Variants in FGFR1OP2 observed in about 807,000 individuals in gnomAD.
The protein encoded by FGFR1OP2 is fibroblast growth factor receptor 1 oncogene partner 2.
FGFR1OP2 carries 17 observed loss-of-function variants against 35.2 expected under a neutral mutation model. The ratio of observed to expected loss-of-function variants is 0.48; its 90% CI spans 0.33 to 0.73. FGFR1OP2 has a LOEUF of 0.73. Among genes scored for constraint, FGFR1OP2 ranks in the 30% least tolerant of loss-of-function variants. The probability of loss-of-function intolerance (pLI) is 0.02; values close to 1 mark genes in which losing one functional copy is unlikely to be tolerated. For missense variants in FGFR1OP2, 251 were observed against 307.3 expected, an observed-to-expected ratio of 0.82 and a Z score of 1.37; for synonymous variants, 105 against 104.6, an observed-to-expected ratio of 1.00 and a Z score of -0.03.
At chr12:26,944,059 T>TA (rs1024630176) in intron 1 of FGFR1OP2, among the ~76,000 whole-genome samples, 21 of 150,018 alleles carry the variant, frequency 1.4e-4, no homozygotes, top group African/African-American at 2.2e-4. Flanking sequence ...ATGTGTGTTT[T>TA]AAAAAAAAAA....
intron 1 of FGFR1OP2, among the ~76,000 whole-genome samples, chr12:26,945,351 A>G (rs1354257377): frequency 6.6e-6 from 1 of 152,214 alleles, no homozygotes; most frequent in African/African-American, 2.4e-5. Flanking sequence ...ATTTAATGCT[A>G]TAAATTTGCT....
rs1939155914 is a variant in FGFR1OP2 at position 26,964,991 on chromosome 12, G to A, written c.*258G>A. 1.9e-5 allele frequency: 6 copies of A among 314,072 alleles called. No homozygotes were observed. The highest frequency in any genetic ancestry group is 3.5e-5 in the Non-Finnish European group (6 of 172,222). 19.5% of individuals were successfully genotyped at this position (314,072 alleles called of 1,614,324 possible). A position where few individuals can be genotyped will look rare whatever the true frequency, so the allele number is the denominator to read the frequency against. Reference sequence around the variant, plus strand: ...ACAGTGACTACTGAATATACCAAGAGCTTTTGGCAGTACTGCTGGCTTTCT... The same window carrying A: ...ACAGTGACTACTGAATATACCAAGAACTTTTGGCAGTACTGCTGGCTTTCT... On this transcript the variant is annotated 3_prime_UTR_variant, in exon 7 of 7. Coordinates refer to ENST00000229395, the MANE Select transcript of FGFR1OP2 (RefSeq NM_015633.3).
rs117576062 is a variant in FGFR1OP2 at position 26,956,955 on chromosome 12, T to C, written c.253+295T>C. The stretch of plus-strand genomic sequence containing the variant: ...TCCCCCTTCCAATCTGTCTTCAACA[T>C]AACCATCAGATTGATATTTCAAAAA... On this transcript the variant is annotated intron_variant, in intron 3 of 6. Coordinates refer to ENST00000229395, the MANE Select transcript of FGFR1OP2 (RefSeq NM_015633.3). Among the ~76,000 whole-genome samples the C allele has an allele frequency of 1.2e-3, 178 of 152,322 alleles. 2 individuals are homozygous for C. The East Asian group carries it at 0.026, about 22-fold the overall frequency.
At chr12:26,964,479 TAC>T in intron 6 of FGFR1OP2, 115 bp from the exon 7 acceptor site, 1 of 1,109,952 alleles carries the variant, frequency 9.0e-7, no homozygotes, top group Non-Finnish European at 1.3e-6. Context: ...TAATGCCAAT[TAC>T]AGACCTTGCT....
At chr12:26,947,515 G>A (rs964081563) in intron 1 of FGFR1OP2, among the ~76,000 whole-genome samples, 4 of 152,112 alleles carry the variant, frequency 2.6e-5, no homozygotes, top group Non-Finnish European at 5.9e-5. Context: ...CCGAGTAGCT[G>A]GGACTACAGG....
intron 1 of FGFR1OP2, among the ~76,000 whole-genome samples, chr12:26,941,621 T>G (rs757638686): frequency 6.6e-6 from 1 of 152,210 alleles, no homozygotes; most frequent in Non-Finnish European, 1.5e-5. Flanking sequence ...TTTCATAAAG[T>G]GGATATTAAT....
rs1010147686 is a variant in FGFR1OP2 at position 26,966,068 on chromosome 12, T to A, written c.*1335T>A. On this transcript the variant is annotated 3_prime_UTR_variant, in exon 7 of 7. Coordinates refer to ENST00000229395, the MANE Select transcript of FGFR1OP2 (RefSeq NM_015633.3). ...TATTACTTTATATGGTAATTTTATG[T>A]ATAATTTCATATATTGGTAAAATTC... The A allele has an allele frequency of 2.0e-5, 3 of 152,100 alleles. No homozygotes were observed. Among genetic ancestry groups the A allele is most frequent in the African/African-American group, 7.2e-5 (3 of 41,466 alleles). 9.4% of individuals were successfully genotyped at this position (152,100 alleles called of 1,614,324 possible). A position where few individuals can be genotyped will look rare whatever the true frequency, so the allele number is the denominator to read the frequency against.
chr12:26,953,422 G>C (rs1010871804), intron 1 of FGFR1OP2: 6 of 152,018 alleles, frequency 3.9e-5, no homozygotes, highest in African/African-American at 7.2e-5. Context: ...ACAATTGACT[G>C]TTTCATGTTT....
intron 1 of FGFR1OP2, among the ~76,000 whole-genome samples, chr12:26,949,642 G>A (rs913279015): frequency 4.6e-5 from 7 of 151,808 alleles, no homozygotes; most frequent in South Asian, 2.1e-4. Flanking sequence ...GCAATGATGC[G>A]ATCTTGGCTC....
intron 1 of FGFR1OP2, among the ~76,000 whole-genome samples, chr12:26,943,347 G>A (rs1226001751): frequency 6.6e-6 from 1 of 152,012 alleles, no homozygotes; most frequent in South Asian, 2.1e-4. Flanking sequence ...TTAAACTTTG[G>A]TAGTGTGAAA....
At position 26,960,814 on chromosome 12, in the gene FGFR1OP2, G is replaced by A. The variant is rs914164295; in HGVS notation, c.510+186G>A. 12 of 938,296 alleles carry A rather than the reference G, an allele frequency of 1.3e-5. No individual in the cohort carries two copies. In the African/African-American group the frequency reaches 1.8e-4, roughly 14 times the overall value. 58.1% of individuals were successfully genotyped at this position (938,296 alleles called of 1,614,324 possible). On this transcript the variant is annotated intron_variant, in intron 5 of 6. Transcript: ENST00000229395. The stretch of plus-strand genomic sequence containing the variant: ...ACTTTAAATCTCTCATTAATTTTCT[G>A]TGTATTGTATCATGTACAGCCTGTT...
intron 4 of FGFR1OP2, 52 bp downstream of exon 4, chr12:26,957,795 A>T: frequency 6.7e-7 from 1 of 1,487,200 alleles, no homozygotes; most frequent in Non-Finnish European, 9.0e-7. Context: ...ACGATTGATT[A>T]TTCTGTGTTC....
intron 5 of FGFR1OP2, 153 bp downstream of exon 5, chr12:26,960,781 G>A: frequency 8.2e-7 from 1 of 1,215,166 alleles, no homozygotes; most frequent in Non-Finnish European, 1.1e-6. Flanking sequence ...ATGCTGTTCA[G>A]TGTAGAAACT....
intron 1 of FGFR1OP2, among the ~76,000 whole-genome samples, chr12:26,940,217 A>G (rs2136345268): frequency 6.6e-6 from 1 of 152,326 alleles, no homozygotes; most frequent in South Asian, 2.1e-4. Context: ...TTCCTTCTTG[A>G]ACTGTCACAA....
At chr12:26,953,534 T>C (rs572578886) in intron 1 of FGFR1OP2, 1 of 152,316 alleles carries the variant, frequency 6.6e-6, no homozygotes, top group Admixed American at 6.5e-5. Context: ...TCAAAACTTT[T>C]TTTTGCACTT....
intron 1 of FGFR1OP2, among the ~76,000 whole-genome samples, chr12:26,950,213 GTTTT>G (rs1174799685): frequency 4.7e-4 from 24 of 50,940 alleles, no homozygotes; most frequent in South Asian, 2.1e-3. Context: ...TGTATTCGTT[GTTTT>G]TTTTTTTTTT....
intron 5 of FGFR1OP2, 170 bp from the exon 6 acceptor site, chr12:26,963,171 CA>C (rs1939128985): frequency 2.2e-6 from 1 of 460,706 alleles, no homozygotes; most frequent in African/African-American, 2.0e-5. Context: ...AATTTGATTT[CA>C]AAAGCACATC....
At chr12:26,938,929 G>C (rs1938643158) in intron 1 of FGFR1OP2, among the ~76,000 whole-genome samples, 1 of 152,172 alleles carries the variant, frequency 6.6e-6, no homozygotes, top group African/African-American at 2.4e-5. Flanking sequence ...GGTGCGGAAA[G>C]TTCAATGAAA....
intron 1 of FGFR1OP2, among the ~76,000 whole-genome samples, chr12:26,951,504 G>C (rs1938928548): frequency 6.6e-6 from 1 of 152,066 alleles, no homozygotes; most frequent in Non-Finnish European, 1.5e-5. Context: ...ATTTTTAGTA[G>C]AGACGGTGTT....
Sources: gnomAD v4.1 joint callset for allele counts (sites outside exome capture counted in the v4.1 genomes callset) on GRCh38, gnomAD v4.1.1 for gene constraint, MANE v1.5 for transcripts, NCBI Gene and HGNC (gene_info 2026-07-23, HGNC 2026-07-21) for gene names.